Variants in PHRF1 observed in about 807,000 individuals in gnomAD.
PHRF1 encodes the protein PHD and RING finger domain-containing protein 1.
In PHRF1, 53 loss-of-function variants were observed where a neutral mutation model predicts 128.9. The observed-to-expected ratio is 0.41, with a 90% CI of 0.33 to 0.52. The LOEUF (loss-of-function observed/expected upper bound fraction) is 0.52. Ranked by LOEUF, PHRF1 falls within the 20% of genes least tolerant of loss-of-function variation. PHRF1 has a pLI of 0.21. For missense variants in PHRF1, 2,503 were observed against 2,284.5 expected, an observed-to-expected ratio of 1.10 and a Z score of -1.95; for synonymous variants, 1,178 against 980.6, an observed-to-expected ratio of 1.20 and a Z score of -3.76.
chr11:609,363 T>A lies in PHRF1; in HGVS notation c.3907T>A (p.Phe1303Ile), dbSNP rs1483552114. The change falls in exon 14 of 18, where the codon TTC becomes ATC. Residue 1303 changes from phenylalanine to isoleucine, a missense_variant. Coordinates refer to ENST00000264555, the MANE Select transcript of PHRF1 (RefSeq NM_001286581.2). ...ESTDSSPERDFPLKPALPPAS... is the reference protein window; with the variant it reads ...ESTDSSPERDIPLKPALPPAS... The stretch of plus-strand genomic sequence containing the variant: ...CACAGACTCTTCCCCGGAGCGAGAC[T>A]TCCCACTGAAGCCTGCGTTGCCCCC... 1.2e-6 allele frequency: 2 copies of A among 1,612,124 alleles called. No homozygotes were observed. The highest frequency in any genetic ancestry group is 2.7e-5 in the African/African-American group (2 of 74,936).
At position 610,277 on chromosome 11, in the gene PHRF1, T is replaced by C. The variant is rs11246212; in HGVS notation, c.4346T>C (p.Val1449Ala). 0.86 allele frequency: 1,341,937 copies of C among 1,558,542 alleles called. 578,664 individuals carry two copies. Among genetic ancestry groups the C allele is most frequent in the Middle Eastern group, 0.88 (5,280 of 5,990 alleles). Residue 1449 changes from valine to alanine, a missense_variant, in exon 15 of 18, where the codon GTG becomes GCG. By Grantham distance (64) the Val-to-Ala change is moderately conservative (BLOSUM62 0). Transcript: ENST00000264555. ...EDVAPTGVRQ[V>A]FSELPFPSHV... ...GTGGCCCCCACAGGGGTCAGGCAGGTGTTCTCCGAGCTGCCCTTTCCCAGT... is the reference window on the plus strand; with the variant it reads ...GTGGCCCCCACAGGGGTCAGGCAGGCGTTCTCCGAGCTGCCCTTTCCCAGT...
intron 9 of PHRF1, among the ~76,000 whole-genome samples, chr11:598,908 C>G (rs1010959186): frequency 1.6e-4 from 24 of 152,170 alleles, no homozygotes; most frequent in African/African-American, 5.8e-4. Flanking sequence ...TTGCTTCTGC[C>G]CTGTTCAGGT....
At position 577,269 on chromosome 11, in the gene PHRF1, A is replaced by G. The variant is rs144882236; in HGVS notation, c.-22+677A>G. Among the ~76,000 whole-genome samples, 577 of 152,322 alleles carry G rather than the reference A, an allele frequency of 3.8e-3. 1 individual carries two copies. Among genetic ancestry groups the G allele is most frequent in the Non-Finnish European group, 5.8e-3 (394 of 68,020 alleles). Reference sequence around the variant, plus strand: ...AACTGGCCAGCGCCGGCAGCCGGGGATCCGCGCCAGCCCCGACTCCTACCA... The same window carrying G: ...AACTGGCCAGCGCCGGCAGCCGGGGGTCCGCGCCAGCCCCGACTCCTACCA... On this transcript the variant is annotated intron_variant, in intron 1 of 17. Transcript: ENST00000264555.
chr11:576,734 G>GGCGC (rs963822571), intron 1 of PHRF1, 142 bp downstream of exon 1: 1 of 147,790 alleles, frequency 6.8e-6, no homozygotes, highest in South Asian at 2.1e-4. Context: ...AGGGCGGGCG[G>GGCGC]GCGCGCGCGC....
At chr11:599,248 C>CT (rs1855489133) in intron 9 of PHRF1, among the ~76,000 whole-genome samples, 9 of 124,698 alleles carry the variant, frequency 7.2e-5, no homozygotes, top group Non-Finnish European at 8.6e-5. Context: ...TTTTTTTTTT[C>CT]TTTTCTTTTT....
At chr11:581,877 G>A (rs899179463) in intron 2 of PHRF1, 85 bp from the exon 3 acceptor site, 5 of 1,457,368 alleles carry the variant, frequency 3.4e-6, no homozygotes, top group African/African-American at 2.9e-5. Context: ...TGCTCCTGAC[G>A]CCTCTATGCC....
rs750215726 is a variant in PHRF1 at position 605,164 on chromosome 11, C to G, written c.1198C>G (p.Arg400Gly). 2 of 1,613,568 alleles carry G rather than the reference C, an allele frequency of 1.2e-6. No individual in the cohort carries two copies. Among genetic ancestry groups the G allele is most frequent in the Admixed American group, 1.7e-5 (1 of 60,024 alleles). The change falls in exon 11 of 18, where the codon CGC becomes GGC. Residue 400 changes from arginine to glycine, a missense_variant. Coordinates refer to ENST00000264555, the MANE Select transcript of PHRF1 (RefSeq NM_001286581.2). ...RSRIARTLGL[R>G]RPVHSSCIPS... ...TCGAATCGCGCGGACGCTGGGCCTG[C>G]GCAGGCCTGTTCACAGCAGCTGCAT...
chr11:582,556 C>T lies in PHRF1; in HGVS notation c.214+475C>T, dbSNP rs560873879. Reference sequence around the variant, plus strand: ...TTTTTTCTTTTTTGAGACGGAGTCTCGCTCTGTCGCCCAGGCTGAGTGCAG... The same window carrying T: ...TTTTTTCTTTTTTGAGACGGAGTCTTGCTCTGTCGCCCAGGCTGAGTGCAG... On this transcript the variant is annotated intron_variant, in intron 3 of 17. Transcript: ENST00000264555. Among the ~76,000 whole-genome samples the T allele has an allele frequency of 3.6e-4, 55 of 152,010 alleles. No individual in the cohort carries two copies. The South Asian group carries it at 7.5e-3, about 21-fold the overall frequency.
chr11:582,328 C>T (rs1456594824), intron 3 of PHRF1, among the ~76,000 whole-genome samples: 1 of 150,178 alleles, frequency 6.7e-6, no homozygotes, highest in African/African-American at 2.5e-5. Flanking sequence ...ACAGTGGTGC[C>T]ATCTCAGCTC....
chr11:588,757 T>C (rs1377189816), intron 4 of PHRF1, among the ~76,000 whole-genome samples: 1 of 152,154 alleles, frequency 6.6e-6, no homozygotes, highest in Non-Finnish European at 1.5e-5. Context: ...CAAGATACAG[T>C]GTTTGCTATG....
intron 4 of PHRF1, among the ~76,000 whole-genome samples, chr11:589,512 G>T (rs569732862): frequency 1.3e-5 from 2 of 152,318 alleles, no homozygotes; most frequent in East Asian, 3.9e-4. Context: ...ACTGGAACCG[G>T]TCCAGGAATG....
intron 4 of PHRF1, 91 bp downstream of exon 4, chr11:587,555 T>G: frequency 7.5e-7 from 1 of 1,336,792 alleles, no homozygotes; most frequent in South Asian, 1.3e-5. Context: ...CTTGTGAGGT[T>G]CTAGTTGTCT....
chr11:582,638 C>T (rs1854274865), intron 3 of PHRF1, among the ~76,000 whole-genome samples: 2 of 152,002 alleles, frequency 1.3e-5, no homozygotes, highest in South Asian at 4.2e-4. Context: ...CATTCTCCTG[C>T]CTCAGCCTCC....
intron 2 of PHRF1, 74 bp from the exon 3 acceptor site, chr11:581,888 T>C (rs746727221): frequency 3.4e-5 from 51 of 1,483,058 alleles, no homozygotes; most frequent in Middle Eastern, 4.4e-4. Context: ...CCTCTATGCC[T>C]GTGCAAAGCA....
chr11:586,285 G>A (rs1162158482), intron 3 of PHRF1, among the ~76,000 whole-genome samples: 2 of 152,186 alleles, frequency 1.3e-5, no homozygotes, highest in African/African-American at 2.4e-5. Flanking sequence ...GAGCCACCAC[G>A]CCCGGCCAGT....
In PHRF1 at chr11:608,249, G is replaced by A; in HGVS notation, c.2793G>A (p.Arg931=). The change falls in exon 14 of 18, where the codon CGG becomes CGA. Residue 931 remains arginine, a synonymous_variant. Transcript: ENST00000264555. ...EPTESQGLAA[R]LRRPSPPEPW... The stretch of plus-strand genomic sequence containing the variant: ...CAGAGAGCCAGGGCCTGGCTGCCCG[G>A]CTGCGGAGGCCATCCCCCCCAGAGC... The A allele has an allele frequency of 6.2e-7, 1 of 1,609,704 alleles. No individual in the cohort carries two copies. Among genetic ancestry groups the A allele is most frequent in the Non-Finnish European group, 8.5e-7 (1 of 1,179,638 alleles).
chr11:597,296 G>A lies in PHRF1; in HGVS notation c.719-99G>A, dbSNP rs1036796192. ...CTGGGTCCTGTGCACAGGTCAGCCC[G>A]AGCCAGGGCTGCTACTTGGCCGGCA... is the stretch of plus-strand genomic sequence containing the variant. On this transcript the variant is annotated intron_variant, in intron 7 of 17. Coordinates refer to ENST00000264555, the MANE Select transcript of PHRF1 (RefSeq NM_001286581.2). The surrounding 1 kb of genome is among the most constrained non-coding windows in gnomAD (Gnocchi z 6.5). The A allele has an allele frequency of 3.4e-5, 49 of 1,452,272 alleles. No individual in the cohort carries two copies. The highest frequency in any genetic ancestry group is 2.0e-4 in the Middle Eastern group (1 of 5,044). The allele number at this position is 1,452,272 out of a possible 1,614,324, so 90.0% of individuals were successfully genotyped here.
chr11:610,883 A>G (rs1856344525), intron 16 of PHRF1, 71 bp from the exon 17 acceptor site: 4 of 1,592,926 alleles, frequency 2.5e-6, no homozygotes, highest in Non-Finnish European at 3.4e-6. Flanking sequence ...GGGTGTCCAG[A>G]ACCACAGTGC....
At chr11:587,506 GC>G (rs767148890) in intron 4 of PHRF1, 42 bp downstream of exon 4, 31 of 1,597,460 alleles carry the variant, frequency 1.9e-5, no homozygotes, top group Non-Finnish European at 2.7e-5. Context: ...CTTCAGGATG[GC>G]CTCCCTGTTT....
Sources: allele counts gnomAD v4.1 joint callset (sites outside exome capture counted in the v4.1 genomes callset), GRCh38; gene constraint gnomAD v4.1.1; non-coding constraint Gnocchi (gnomAD v3.1); transcripts MANE v1.5; gene names NCBI Gene and HGNC (gene_info 2026-07-23, HGNC 2026-07-21).